GRIN2B: variants seen among roughly 807,000 people sequenced by gnomAD.
The protein encoded by GRIN2B is glutamate ionotropic receptor NMDA type subunit 2B, also known as glutamate receptor ionotropic, NMDA 2B.
Under a neutral mutation model 114.5 loss-of-function variants are expected in GRIN2B, and 5 were observed. The observed-to-expected ratio is 0.04, with a 90% CI of 0.02 to 0.09. The LOEUF (loss-of-function observed/expected upper bound fraction) is 0.09. Among genes scored for constraint, GRIN2B ranks in the 10% least tolerant of loss-of-function variants. GRIN2B has a pLI of 1.00. For missense variants in GRIN2B, 1,108 were observed against 1,943.5 expected, an observed-to-expected ratio of 0.57 and a Z score of 8.08; for synonymous variants, 787 against 745.1, an observed-to-expected ratio of 1.06 and a Z score of -0.92.
Position 13,541,208 on chromosome 12 carries a change from A to T in GRIN2B, c.*21575T>A, listed in dbSNP as rs1591592799. The T allele has an allele frequency of 6.6e-6, 1 of 152,296 alleles. No individual in the cohort carries two copies. The highest frequency in any genetic ancestry group is 2.1e-4 in the South Asian group (1 of 4,824). 9.4% of individuals were successfully genotyped at this position (152,296 alleles called of 1,614,324 possible). On this transcript the variant is annotated 3_prime_UTR_variant, in exon 14 of 14. Transcript: ENST00000609686. ...GTAACATTGCCTCTAGCTCCCTTGA[A>T]ATGTTTCCACAAGCGTCAGGGCTAC... is the stretch of plus-strand genomic sequence containing the variant.
At chr12:13,633,215 G>C (rs2136499165) in intron 5 of GRIN2B, among the ~76,000 whole-genome samples, 1 of 152,348 alleles carries the variant, frequency 6.6e-6, no homozygotes, top group Middle Eastern at 3.4e-3. Context: ...GTTTAGACCA[G>C]TGAAGGTCAA....
Position 13,562,374 on chromosome 12 carries a change from A to G in GRIN2B, c.*409T>C, listed in dbSNP as rs890. The stretch of plus-strand genomic sequence containing the variant: ...GCTTCCTCACCTAAATGAAAAGATC[A>G]GTTTGGGAAAAGCTACCTTTGTGCT... On this transcript the variant is annotated 3_prime_UTR_variant, in exon 14 of 14. Transcript: ENST00000609686. The G allele has an allele frequency of 5.0e-6, 1 of 199,294 alleles. No individual in the cohort carries two copies. The highest frequency in any genetic ancestry group is 2.3e-5 in the African/African-American group (1 of 42,820). The allele number at this position is 199,294 out of a possible 1,614,324, so 12.3% of individuals were successfully genotyped here.
chr12:13,695,339 C>A (rs1950250935), intron 4 of GRIN2B, among the ~76,000 whole-genome samples: 1 of 152,156 alleles, frequency 6.6e-6, no homozygotes. Flanking sequence ...TGAGTCAAGG[C>A]AGCAAAGCTG....
At chr12:13,740,787 A>C (rs1348934266) in intron 4 of GRIN2B, among the ~76,000 whole-genome samples, 1 of 152,174 alleles carries the variant, frequency 6.6e-6, no homozygotes, top group Non-Finnish European at 1.5e-5. Context: ...CTATGGGTTA[A>C]AGGATTTGGG....
In GRIN2B at chr12:13,553,904, C is replaced by CAAAGGACAAAGCACTTAGAA. The variant is rs144187532; in HGVS notation, c.*8859_*8878dup. The CAAAGGACAAAGCACTTAGAA allele has an allele frequency of 1.3e-5, 2 of 152,104 alleles. No homozygotes were observed. The highest frequency in any genetic ancestry group is 1.9e-4 in the East Asian group (1 of 5,196). The allele number at this position is 152,104 out of a possible 1,614,324, so 9.4% of individuals were successfully genotyped here. A position where few individuals can be genotyped will look rare whatever the true frequency, so the allele number is the denominator to read the frequency against. On this transcript the variant is annotated 3_prime_UTR_variant, in exon 14 of 14. Transcript: ENST00000609686. ...ACCATAAAACAGTCCAAAACAACTTCAAAGGACAAAGCACTTAGAAAAAGG... is the reference window on the plus strand; with the variant it reads ...ACCATAAAACAGTCCAAAACAACTTCAAAGGACAAAGCACTTAGAAAAAGGACAAAGCACTTAGAAAAAGG...
rs1591608658 is a variant in GRIN2B at position 13,566,761 on chromosome 12, T to A, written c.2598+264A>T. 2.6e-5 allele frequency among the ~76,000 whole-genome samples: 4 copies of A among 152,362 alleles called. No individual in the cohort carries two copies. The East Asian group carries it at 7.7e-4, about 29-fold the overall frequency. On this transcript the variant is annotated intron_variant, in intron 13 of 13. Coordinates refer to ENST00000609686, the MANE Select transcript of GRIN2B (RefSeq NM_000834.5). ...TTGGTAAAAAGCCAAATTTTCCATT[T>A]TGACAGATCTGTCAGTTCTTACAGA...
At chr12:13,623,391 G>T (rs568671912) in intron 5 of GRIN2B, among the ~76,000 whole-genome samples, 1 of 152,194 alleles carries the variant, frequency 6.6e-6, no homozygotes, top group Admixed American at 6.5e-5. Context: ...ACAACAGTTT[G>T]CAACAATTGA....
chr12:13,586,378 A>ATAGT (rs1443820101), intron 10 of GRIN2B, among the ~76,000 whole-genome samples: 1 of 152,158 alleles, frequency 6.6e-6, no homozygotes, highest in Non-Finnish European at 1.5e-5. Flanking sequence ...GCAAGGGGAC[A>ATAGT]TAGTTATTTT....
At chr12:13,938,978 C>A (rs1867182309) in intron 2 of GRIN2B, among the ~76,000 whole-genome samples, 2 of 152,124 alleles carry the variant, frequency 1.3e-5, no homozygotes, top group South Asian at 4.1e-4. Flanking sequence ...TCAACTTACG[C>A]TCATTCAGGA....
In GRIN2B at chr12:13,562,756, C is replaced by G; in HGVS notation, c.*27G>C. 1.9e-6 allele frequency: 3 copies of G among 1,595,462 alleles called. No homozygotes were observed. Among genetic ancestry groups the G allele is most frequent in the South Asian group, 1.1e-5 (1 of 90,746 alleles). Reference sequence around the variant, plus strand: ...CGACCCACAGCCTTACCCTCCCGTACCCACCTTAACCTCTCTGTTCCCTCA... The same window carrying G: ...CGACCCACAGCCTTACCCTCCCGTAGCCACCTTAACCTCTCTGTTCCCTCA... On this transcript the variant is annotated 3_prime_UTR_variant, in exon 14 of 14. Transcript: ENST00000609686.
At chr12:13,675,350 G>A (rs1950062965) in intron 5 of GRIN2B, among the ~76,000 whole-genome samples, 1 of 152,068 alleles carries the variant, frequency 6.6e-6, no homozygotes, top group Non-Finnish European at 1.5e-5. Flanking sequence ...ATCACAATAA[G>A]TCTAAACCTT....
intron 2 of GRIN2B, among the ~76,000 whole-genome samples, chr12:13,866,684 G>A (rs1040133323): frequency 3.3e-5 from 5 of 152,120 alleles, no homozygotes; most frequent in African/African-American, 1.2e-4. Context: ...GATGTGGGGG[G>A]CTATAAGTAC....
intron 5 of GRIN2B, among the ~76,000 whole-genome samples, chr12:13,647,467 T>C (rs964598131): frequency 1.3e-5 from 2 of 152,116 alleles, no homozygotes; most frequent in African/African-American, 2.4e-5. Flanking sequence ...TTAACTTTCA[T>C]TGTTGACTGA....
chr12:13,582,606 C>T (rs973726183), intron 10 of GRIN2B, among the ~76,000 whole-genome samples: 2 of 152,140 alleles, frequency 1.3e-5, no homozygotes, highest in Admixed American at 6.5e-5. Flanking sequence ...TGGTAAGTGG[C>T]CTTTCTCCTG....
intron 5 of GRIN2B, among the ~76,000 whole-genome samples, chr12:13,668,126 G>A (rs765337268): frequency 6.6e-6 from 1 of 152,134 alleles, no homozygotes; most frequent in Non-Finnish European, 1.5e-5. Flanking sequence ...TTGGCTTTGG[G>A]AACACTTTCC....
chr12:13,599,080 T>A (rs534386921), intron 10 of GRIN2B, among the ~76,000 whole-genome samples: 4 of 152,298 alleles, frequency 2.6e-5, no homozygotes, highest in East Asian at 1.9e-4. Flanking sequence ...ATGCTCTCGA[T>A]CAAAGCCATC....
At position 13,558,188 on chromosome 12, in the gene GRIN2B, A is replaced by G. The variant is rs1948497380; in HGVS notation, c.*4595T>C. On this transcript the variant is annotated 3_prime_UTR_variant, in exon 14 of 14. Coordinates refer to ENST00000609686, the MANE Select transcript of GRIN2B (RefSeq NM_000834.5). ...GCAGCCTACTGAGCATGTATTTCCTATATGGCTTTGGGCTCAGAGAGCACA... is the reference window on the plus strand; with the variant it reads ...GCAGCCTACTGAGCATGTATTTCCTGTATGGCTTTGGGCTCAGAGAGCACA... The G allele has an allele frequency of 6.6e-6, 1 of 152,116 alleles. No individual in the cohort carries two copies. Among genetic ancestry groups the G allele is most frequent in the South Asian group, 2.1e-4 (1 of 4,824 alleles). 9.4% of individuals were successfully genotyped at this position (152,116 alleles called of 1,614,324 possible). A position where few individuals can be genotyped will look rare whatever the true frequency, so the allele number is the denominator to read the frequency against.
At chr12:13,732,688 T>G (rs1221365764) in intron 4 of GRIN2B, among the ~76,000 whole-genome samples, 1 of 152,230 alleles carries the variant, frequency 6.6e-6, no homozygotes. Flanking sequence ...ATCATGTCTT[T>G]TCTATTGTGT....
intron 3 of GRIN2B, among the ~76,000 whole-genome samples, chr12:13,836,871 T>C (rs575961955): frequency 2.1e-4 from 32 of 152,286 alleles, no homozygotes; most frequent in Admixed American, 7.2e-4. Context: ...GTGTGTGTCA[T>C]AGGTGTCCAG....
Sources: allele counts gnomAD v4.1 joint callset (sites outside exome capture counted in the v4.1 genomes callset), GRCh38; gene constraint gnomAD v4.1.1; transcripts MANE v1.5; gene names NCBI Gene and HGNC (gene_info 2026-07-23, HGNC 2026-07-21).